NDUFS4: variants seen among roughly 807,000 people sequenced by gnomAD.
NDUFS4 encodes NADH dehydrogenase [ubiquinone] iron-sulfur protein 4, mitochondrial.
Under a neutral mutation model 24.3 loss-of-function variants are expected in NDUFS4, and 28 were observed. The observed-to-expected ratio is 1.15, with a 90% CI of 0.85 to 1.58. The LOEUF (loss-of-function observed/expected upper bound fraction) is 1.58, where lower values mean the gene tolerates loss of function less well. Ranked by LOEUF, NDUFS4 falls within the 40% of genes most tolerant of loss-of-function variation. NDUFS4 has a pLI of 0.00. For synonymous variants in NDUFS4, 93 were observed against 69.7 expected, an observed-to-expected ratio of 1.34 and a Z score of -1.67; for missense variants, 223 against 207.9, an observed-to-expected ratio of 1.07 and a Z score of -0.45.
chr5:53,591,471 G>C (rs1391479374), intron 1 of NDUFS4, among the ~76,000 whole-genome samples: 6 of 128,222 alleles, frequency 4.7e-5, no homozygotes, highest in Non-Finnish European at 6.7e-5. Flanking sequence ...TGGGGGGGGG[G>C]GGTGATAATA....
At chr5:53,590,590 A>G (rs887089025) in intron 1 of NDUFS4, among the ~76,000 whole-genome samples, 1 of 152,196 alleles carries the variant, frequency 6.6e-6, no homozygotes, top group African/African-American at 2.4e-5. Context: ...AAATTTTCCA[A>G]GGAGATGAGT....
chr5:53,669,170 C>G (rs142904798), intron 4 of NDUFS4, among the ~76,000 whole-genome samples: 1 of 152,126 alleles, frequency 6.6e-6, no homozygotes, highest in Non-Finnish European at 1.5e-5. Flanking sequence ...TAAACTGTTA[C>G]GTATACTGCC....
chr5:53,674,359 G>T (rs138444275), intron 4 of NDUFS4, among the ~76,000 whole-genome samples: 115 of 152,296 alleles, frequency 7.6e-4, no homozygotes, highest in African/African-American at 2.6e-3. Context: ...TCCACGGGAA[G>T]GCCAGAGAAT....
intron 2 of NDUFS4, among the ~76,000 whole-genome samples, chr5:53,605,499 C>T (rs1191656236): frequency 1.3e-5 from 2 of 152,126 alleles, no homozygotes; most frequent in African/African-American, 4.8e-5. Context: ...GAGAGGTAGA[C>T]AGACTGGATT....
chr5:53,682,901 T>C (rs1030673058), intron 4 of NDUFS4, among the ~76,000 whole-genome samples: 4 of 151,626 alleles, frequency 2.6e-5, no homozygotes, highest in African/African-American at 9.7e-5. Flanking sequence ...ACTTGAGATA[T>C]GGTAAATAAT....
intron 2 of NDUFS4, among the ~76,000 whole-genome samples, chr5:53,625,694 A>G (rs965248199): frequency 5.9e-5 from 9 of 152,024 alleles, no homozygotes; most frequent in South Asian, 2.1e-4. Context: ...TAGAATTTCT[A>G]TTTAGTTCTT....
At chr5:53,606,086 A>C (rs1377435609) in intron 2 of NDUFS4, among the ~76,000 whole-genome samples, 2 of 151,312 alleles carry the variant, frequency 1.3e-5, no homozygotes, top group Non-Finnish European at 2.9e-5. Flanking sequence ...CAGGAGGCTG[A>C]GGCAGGAGAA....
chr5:53,661,334 G>T (rs1752337335), intron 4 of NDUFS4, among the ~76,000 whole-genome samples: 3 of 152,074 alleles, frequency 2.0e-5, no homozygotes, highest in African/African-American at 4.8e-5. Flanking sequence ...TATTTCTGAG[G>T]GCTCTGTTCT....
intron 3 of NDUFS4, among the ~76,000 whole-genome samples, chr5:53,652,563 TGCTTATCTACA>T (rs925758812): frequency 6.6e-6 from 1 of 152,206 alleles, no homozygotes; most frequent in Non-Finnish European, 1.5e-5. Flanking sequence ...CATTGTTATC[TGCTTATCTACA>T]GTATTTTTTG....
intron 3 of NDUFS4, among the ~76,000 whole-genome samples, chr5:53,657,865 C>T (rs1450969328): frequency 6.7e-6 from 1 of 149,342 alleles, no homozygotes; most frequent in Non-Finnish European, 1.5e-5. Context: ...GCAGAGGTTG[C>T]AGTGAGCCCA....
chr5:53,630,180 T>G (rs1002811531), intron 2 of NDUFS4, among the ~76,000 whole-genome samples: 2 of 152,374 alleles, frequency 1.3e-5, no homozygotes, highest in African/African-American at 4.8e-5. Context: ...TTGAAAGTTC[T>G]TTTCTTTAAG....
intron 2 of NDUFS4, among the ~76,000 whole-genome samples, chr5:53,611,201 TGTG>T (rs1278132088): frequency 1.3e-5 from 2 of 151,562 alleles, no homozygotes; most frequent in Admixed American, 6.6e-5. Context: ...AAGAAAAACT[TGTG>T]GTTTTTTTTT....
intron 4 of NDUFS4, among the ~76,000 whole-genome samples, chr5:53,677,630 G>T (rs1419400541): frequency 6.6e-6 from 1 of 152,074 alleles, no homozygotes; most frequent in Non-Finnish European, 1.5e-5. Context: ...ATATGTTAGG[G>T]TTATGCTCCG....
chr5:53,635,661 A>G (rs1751530349), intron 2 of NDUFS4, among the ~76,000 whole-genome samples: 1 of 152,222 alleles, frequency 6.6e-6, no homozygotes, highest in Non-Finnish European at 1.5e-5. Flanking sequence ...TAGTTTAATA[A>G]TTTTCAAAAT....
intron 2 of NDUFS4, among the ~76,000 whole-genome samples, chr5:53,638,812 C>CT (rs1751627369): frequency 6.6e-6 from 1 of 151,982 alleles, no homozygotes; most frequent in African/African-American, 2.4e-5. Flanking sequence ...TCCAGGAAAA[C>CT]TTTGTCATTT....
At chr5:53,634,963 T>C (rs1451702439) in intron 2 of NDUFS4, among the ~76,000 whole-genome samples, 1 of 151,610 alleles carries the variant, frequency 6.6e-6, no homozygotes, top group Non-Finnish European at 1.5e-5. Context: ...CCGAGGCGGG[T>C]AAATCACCTT....
At chr5:53,600,242 G>A (rs919791656) in intron 1 of NDUFS4, among the ~76,000 whole-genome samples, 3 of 151,770 alleles carry the variant, frequency 2.0e-5, no homozygotes, top group African/African-American at 7.3e-5. Context: ...TAGGTGATCC[G>A]CCATCCTCGG....
chr5:53,585,598 C>T (rs746516547), intron 1 of NDUFS4, among the ~76,000 whole-genome samples: 23 of 152,136 alleles, frequency 1.5e-4, no homozygotes, highest in African/African-American at 2.4e-4. Context: ...CGAAATTAGC[C>T]GGGCGTGGTG....
At chr5:53,637,920 C>T (rs1016247984) in intron 2 of NDUFS4, among the ~76,000 whole-genome samples, 1 of 152,056 alleles carries the variant, frequency 6.6e-6, no homozygotes, top group South Asian at 2.1e-4. Context: ...TCACTGCAAA[C>T]ACTTTGAGAG....
Sources: gnomAD v4.1 joint callset for allele counts (sites outside exome capture counted in the v4.1 genomes callset) on GRCh38, gnomAD v4.1.1 for gene constraint, MANE v1.5 for transcripts, NCBI Gene and HGNC (gene_info 2026-07-23, HGNC 2026-07-21) for gene names.